Variants in GNG7 observed in about 807,000 individuals in gnomAD.
GNG7 encodes G protein subunit gamma 7.
A neutral mutation model predicts 4.0 loss-of-function variants in GNG7; 1 was observed. The ratio of observed to expected loss-of-function variants is 0.25; its 90% confidence interval spans 0.09 to 1.18. The LOEUF (loss-of-function observed/expected upper bound fraction) is 1.18, where lower values mean the gene tolerates loss of function less well. GNG7 is among the 50% of genes most tolerant of loss of function. The pLI is 0.50. For synonymous variants in GNG7, 34 were observed against 36.9 expected (o/e 0.92, Z 0.29); for missense variants, 86 against 91.9 (o/e 0.94, Z 0.26).
At chr19:2,566,752 C>G (rs1195616040) in intron 2 of GNG7, among the ~76,000 whole-genome samples, 3 of 152,168 alleles carry the variant, frequency 2.0e-5, no homozygotes, top group African/African-American at 7.2e-5. Flanking sequence ...GGAGAGGCTG[C>G]TGTGGACGAT....
chr19:2,582,656 ATTTTTTTTTTTTT>A (rs35625825), intron 2 of GNG7, among the ~76,000 whole-genome samples: 10 of 86,144 alleles, frequency 1.2e-4, no homozygotes, highest in Admixed American at 2.8e-4. Context: ...CTAATTGTTA[ATTTTTTTTTTTTT>A]TTTTTTTTTT....
At chr19:2,645,812 C>T (rs578190771) in intron 2 of GNG7, among the ~76,000 whole-genome samples, 5 of 152,236 alleles carry the variant, frequency 3.3e-5, no homozygotes, top group East Asian at 1.9e-4. Context: ...GGGAGAAAAA[C>T]GAGGAGTAAA....
intron 3 of GNG7, among the ~76,000 whole-genome samples, chr19:2,522,751 CAAAAAAAAAAAAAA>C (rs59490251): frequency 4.6e-5 from 2 of 43,894 alleles, no homozygotes; most frequent in African/African-American, 1.9e-4. Flanking sequence ...GACTCTGTCT[CAAAAAAAAAAAAAA>C]AAAAAAAAAA....
chr19:2,553,628 CGTTACATGTAATATGTTAT>C (rs1979422610), intron 3 of GNG7, among the ~76,000 whole-genome samples: 3 of 100,798 alleles, frequency 3.0e-5, no homozygotes, highest in African/African-American at 6.0e-5. Context: ...TACATGCACA[CGTTACATGTAATATGTTAT>C]ATTACATACA....
chr19:2,669,680 C>T (rs1205177604), intron 1 of GNG7, among the ~76,000 whole-genome samples: 2 of 152,072 alleles, frequency 1.3e-5, no homozygotes, highest in South Asian at 4.1e-4. Context: ...TGGCTCAGAG[C>T]GTCGAAAATA....
At chr19:2,567,032 G>A (rs1979932118) in intron 2 of GNG7, among the ~76,000 whole-genome samples, 1 of 151,672 alleles carries the variant, frequency 6.6e-6, no homozygotes, top group African/African-American at 2.4e-5. Context: ...TTGAATCCGG[G>A]AGGCGGAGCT....
At chr19:2,684,960 C>G (rs1165180365) in intron 1 of GNG7, among the ~76,000 whole-genome samples, 1 of 152,092 alleles carries the variant, frequency 6.6e-6, no homozygotes, top group Non-Finnish European at 1.5e-5. Context: ...CTTGTCTCTA[C>G]TAAAAATACA....
intron 3 of GNG7, among the ~76,000 whole-genome samples, chr19:2,528,590 G>C (rs963759274): frequency 5.3e-5 from 8 of 152,078 alleles, no homozygotes; most frequent in Non-Finnish European, 1.2e-4. Context: ...ACTAGGAGAG[G>C]CCCCACAGGG....
intron 3 of GNG7, among the ~76,000 whole-genome samples, chr19:2,552,854 C>CA (rs1027075933): frequency 3.7e-5 from 5 of 133,986 alleles, no homozygotes; most frequent in Admixed American, 1.6e-4. Flanking sequence ...CGGCTCCACC[C>CA]CCCCCACCTC....
chr19:2,691,946 TG>T (rs2144910984), intron 1 of GNG7, among the ~76,000 whole-genome samples: 1 of 151,216 alleles, frequency 6.6e-6, no homozygotes, highest in Non-Finnish European at 1.5e-5. Flanking sequence ...AGGCAGAAAT[TG>T]GATCAATGAG....
intron 1 of GNG7, among the ~76,000 whole-genome samples, chr19:2,673,484 G>T (rs1224162568): frequency 6.6e-6 from 1 of 151,884 alleles, no homozygotes; most frequent in African/African-American, 2.4e-5. Flanking sequence ...CCTGAGGTCA[G>T]GAATTCGAGA....
chr19:2,514,814 C>T lies in GNG7; in HGVS notation c.*208G>A, dbSNP rs1972707210. On this transcript the variant is annotated 3_prime_UTR_variant, in exon 5 of 5. Transcript: ENST00000382159. ...GGTCGGACCTGAAAATTCATCTCCACCTACAAGGTCCATTCTACCCCATCC... is the reference window on the plus strand; with the variant it reads ...GGTCGGACCTGAAAATTCATCTCCATCTACAAGGTCCATTCTACCCCATCC... 1 of 479,332 alleles carries T rather than the reference C, an allele frequency of 2.1e-6. No homozygotes were observed. Among genetic ancestry groups the T allele is most frequent in the Middle Eastern group, 5.9e-4 (1 of 1,700 alleles). 29.7% of individuals were successfully genotyped at this position (479,332 alleles called of 1,614,324 possible). A position where few individuals can be genotyped will look rare whatever the true frequency, so the allele number is the denominator to read the frequency against.
At chr19:2,523,748 C>T (rs1978322648) in intron 3 of GNG7, among the ~76,000 whole-genome samples, 1 of 152,086 alleles carries the variant, frequency 6.6e-6, no homozygotes, top group Non-Finnish European at 1.5e-5. Flanking sequence ...CAGGGACGGC[C>T]GGGGAATGAC....
chr19:2,661,245 A>G (rs1341790186), intron 1 of GNG7, among the ~76,000 whole-genome samples: 1 of 93,818 alleles, frequency 1.1e-5, no homozygotes, highest in Non-Finnish European at 2.2e-5. Flanking sequence ...AGAAAGAAAG[A>G]AAAGAAAGAA....
intron 1 of GNG7, among the ~76,000 whole-genome samples, chr19:2,697,476 C>T (rs984779271): frequency 2.6e-5 from 4 of 152,178 alleles, no homozygotes; most frequent in African/African-American, 4.8e-5. Context: ...TTAGCTCTCA[C>T]ACTCATCGGT....
At chr19:2,654,110 G>A (rs1982900490) in intron 1 of GNG7, among the ~76,000 whole-genome samples, 1 of 151,902 alleles carries the variant, frequency 6.6e-6, no homozygotes, top group Non-Finnish European at 1.5e-5. Context: ...GAGTGAGGCG[G>A]TCTCCATGCA....
At chr19:2,628,478 C>A (rs977093059) in intron 2 of GNG7, among the ~76,000 whole-genome samples, 5 of 151,342 alleles carry the variant, frequency 3.3e-5, no homozygotes, top group Non-Finnish European at 5.9e-5. Flanking sequence ...GGCAAGAAAC[C>A]CCTTCCCTTT....
chr19:2,663,351 C>G (rs932927258), intron 1 of GNG7, among the ~76,000 whole-genome samples: 9 of 151,748 alleles, frequency 5.9e-5, no homozygotes, highest in East Asian at 3.9e-4. Context: ...TCTCTCCCCC[C>G]CCTCCTCTTT....
intron 2 of GNG7, among the ~76,000 whole-genome samples, chr19:2,568,100 TACAC>T (rs1392709695): frequency 3.0e-5 from 4 of 135,498 alleles, no homozygotes; most frequent in Admixed American, 7.4e-5. Flanking sequence ...CACACACACT[TACAC>T]ACATGCACAT....
Sources: allele counts gnomAD v4.1 joint callset (sites outside exome capture counted in the v4.1 genomes callset), GRCh38; gene constraint gnomAD v4.1.1; transcripts MANE v1.5; gene names NCBI Gene and HGNC (gene_info 2026-07-23, HGNC 2026-07-21).